BACH2: variants seen among roughly 807,000 people sequenced by gnomAD.
BACH2 encodes the protein BACH transcriptional regulator 2, also known as transcription regulator protein BACH2.
In BACH2, 5 loss-of-function variants were observed where a neutral mutation model predicts 61.8. The ratio of observed to expected loss-of-function variants is 0.08; its 90% confidence interval spans 0.04 to 0.17. BACH2 has a LOEUF of 0.17. BACH2 is among the 10% of genes least tolerant of loss of function. The probability of loss-of-function intolerance (pLI) is 1.00; values close to 1 mark genes in which losing one functional copy is unlikely to be tolerated. For synonymous variants in BACH2, 446 were observed against 440.1 expected, an observed-to-expected ratio of 1.01 and a Z score of -0.17; for missense variants, 824 against 1,091.1, an observed-to-expected ratio of 0.76 and a Z score of 3.45.
At chr6:90,019,229 G>A (rs1213078240) in intron 5 of BACH2, among the ~76,000 whole-genome samples, 1 of 152,102 alleles carries the variant, frequency 6.6e-6, no homozygotes, top group Non-Finnish European at 1.5e-5. Context: ...ATTTATAAGG[G>A]ACATCTCATT....
At chr6:90,235,951 G>T (rs927319940) in intron 3 of BACH2, among the ~76,000 whole-genome samples, 3 of 152,220 alleles carry the variant, frequency 2.0e-5, no homozygotes, top group Admixed American at 1.3e-4. Context: ...GTCAATTCTT[G>T]CAAGTCACAT....
At chr6:90,159,308 T>A (rs577057376) in intron 4 of BACH2, among the ~76,000 whole-genome samples, 10 of 152,296 alleles carry the variant, frequency 6.6e-5, no homozygotes, top group African/African-American at 2.2e-4. Flanking sequence ...CCAAATACAG[T>A]ATCCACTGCA....
In BACH2 at chr6:89,929,324, G is replaced by A. The variant is rs1207282755; in HGVS notation, c.*3084C>T. On this transcript the variant is annotated 3_prime_UTR_variant, in exon 9 of 9. Transcript: ENST00000257749. ...CGTGGGGTTGACAGAGGGATCCCAG[G>A]GAAAAGAGACAGGCTAGGTTTTAAA... 2 of 151,998 alleles carry A rather than the reference G, an allele frequency of 1.3e-5. No homozygotes were observed. Among genetic ancestry groups the A allele is most frequent in the East Asian group, 3.8e-4 (2 of 5,330 alleles). The allele number at this position is 151,998 out of a possible 1,614,324, so 9.4% of individuals were successfully genotyped here. A position where few individuals can be genotyped will look rare whatever the true frequency, so the allele number is the denominator to read the frequency against.
intron 4 of BACH2, among the ~76,000 whole-genome samples, chr6:90,193,377 G>A (rs578020172): frequency 6.6e-6 from 1 of 152,130 alleles, no homozygotes; most frequent in Non-Finnish European, 1.5e-5. Flanking sequence ...GGAAAAGAGG[G>A]AAGATGATGT....
At chr6:90,097,078 C>T (rs548118201) in intron 4 of BACH2, among the ~76,000 whole-genome samples, 110 of 152,280 alleles carry the variant, frequency 7.2e-4, no homozygotes, top group Non-Finnish European at 8.8e-4. Flanking sequence ...CTGTCCTGAG[C>T]CACCTCACTT....
chr6:89,950,236 G>A lies in BACH2; in HGVS notation c.1836+34C>T, dbSNP rs756896052. ...AGTCCAGATAAAGGGCCTAGAGAGT[G>A]GGTCACATGCTTGAATTTATGTGGG... On this transcript the variant is annotated intron_variant, in intron 7 of 8. Transcript: ENST00000257749. The surrounding 1 kb of genome is among the most constrained non-coding windows in gnomAD (Gnocchi z 5.3). 6.2e-7 allele frequency: 1 copy of A among 1,612,626 alleles called. No individual in the cohort carries two copies. Among genetic ancestry groups the A allele is most frequent in the South Asian group, 1.1e-5 (1 of 90,994 alleles).
At chr6:90,009,032 G>A (rs765905863) in intron 5 of BACH2, among the ~76,000 whole-genome samples, 176 bp from the exon 6 acceptor site, 8 of 152,182 alleles carry the variant, frequency 5.3e-5, no homozygotes, top group Non-Finnish European at 7.3e-5. Context: ...TGTACAATGA[G>A]CTCAGGAAAC....
intron 6 of BACH2, among the ~76,000 whole-genome samples, chr6:89,969,623 A>AT (rs1389001497): frequency 6.6e-6 from 1 of 152,162 alleles, no homozygotes; most frequent in African/African-American, 2.4e-5. Context: ...GCTTTCTAGG[A>AT]AAGGCTCTGC....
chr6:90,062,662 TC>T (rs908662810), intron 5 of BACH2, among the ~76,000 whole-genome samples: 84 of 152,330 alleles, frequency 5.5e-4, no homozygotes, highest in African/African-American at 1.9e-3. Flanking sequence ...CTTTACTTTT[TC>T]TTCTCTAAGC....
At chr6:90,119,626 GA>G (rs1343697164) in intron 4 of BACH2, among the ~76,000 whole-genome samples, 1 of 151,942 alleles carries the variant, frequency 6.6e-6, no homozygotes, top group African/African-American at 2.4e-5. Flanking sequence ...ATTATTTATT[GA>G]AAAAAATCAG....
At chr6:89,989,180 T>G (rs1231074633) in intron 6 of BACH2, among the ~76,000 whole-genome samples, 10 of 152,234 alleles carry the variant, frequency 6.6e-5, no homozygotes, top group Admixed American at 6.5e-4. Flanking sequence ...AAATATTTCA[T>G]GTGACCTAGA....
At chr6:90,102,965 G>A (rs1401205425) in intron 4 of BACH2, among the ~76,000 whole-genome samples, 1 of 131,474 alleles carries the variant, frequency 7.6e-6, no homozygotes, top group Non-Finnish European at 1.6e-5. Flanking sequence ...GAGGGGCAGT[G>A]GTAGTTACCT....
At chr6:90,181,744 C>T (rs1768173304) in intron 4 of BACH2, among the ~76,000 whole-genome samples, 1 of 151,976 alleles carries the variant, frequency 6.6e-6, no homozygotes, top group Non-Finnish European at 1.5e-5. Context: ...CCATGCCTGG[C>T]TACTGATTGA....
At chr6:90,017,035 G>T (rs377333051) in intron 5 of BACH2, among the ~76,000 whole-genome samples, 1 of 151,974 alleles carries the variant, frequency 6.6e-6, no homozygotes, top group African/African-American at 2.4e-5. Flanking sequence ...TCTTGGATAC[G>T]TGGATAGTTT....
rs79369065 is a variant in BACH2 at position 90,126,552 on chromosome 6, G to A, written c.-161-37443C>T. ...GAACATGAACATAGAGCTACATGAA[G>A]TGTCAACCCTAGTGAAGTGATTATG... is the stretch of plus-strand genomic sequence containing the variant. On this transcript the variant is annotated intron_variant, in intron 4 of 8. Coordinates refer to ENST00000257749, the MANE Select transcript of BACH2 (RefSeq NM_021813.4). Among the ~76,000 whole-genome samples the A allele has an allele frequency of 6.8e-3, 1,034 of 152,328 alleles. 15 individuals are homozygous for A. The highest frequency in any genetic ancestry group is 0.022 in the African/African-American group (932 of 41,584).
chr6:90,254,855 A>G (rs1770926202), intron 2 of BACH2, among the ~76,000 whole-genome samples: 2 of 152,170 alleles, frequency 1.3e-5, no homozygotes, highest in African/African-American at 4.8e-5. Context: ...AGTTATTGTA[A>G]TGTTTCAAAC....
At chr6:90,085,742 C>G (rs1346538802) in intron 5 of BACH2, among the ~76,000 whole-genome samples, 1 of 152,172 alleles carries the variant, frequency 6.6e-6, no homozygotes, top group Non-Finnish European at 1.5e-5. Flanking sequence ...CCTGCACCCT[C>G]ACAAACTGCA....
chr6:90,014,440 G>GTGTATATATATATATA (rs1330299169), intron 5 of BACH2, among the ~76,000 whole-genome samples: 2 of 48,036 alleles, frequency 4.2e-5, no homozygotes, highest in African/African-American at 2.1e-4. Flanking sequence ...GTGTGTGTGT[G>GTGTATATATATATATA]TATATATATA....
chr6:90,163,698 T>C (rs1294866985), intron 4 of BACH2, among the ~76,000 whole-genome samples: 1 of 152,212 alleles, frequency 6.6e-6, no homozygotes, highest in Non-Finnish European at 1.5e-5. Flanking sequence ...TTCAGGATAC[T>C]TTGGGAATGA....
Sources: allele counts gnomAD v4.1 joint callset (sites outside exome capture counted in the v4.1 genomes callset), GRCh38; gene constraint gnomAD v4.1.1; non-coding constraint Gnocchi (gnomAD v3.1); transcripts MANE v1.5; gene names NCBI Gene and HGNC (gene_info 2026-07-23, HGNC 2026-07-21).